CALN1: variants seen among roughly 807,000 people sequenced by gnomAD.
CALN1 encodes the protein calneuron 1.
Under a neutral mutation model 30.6 loss-of-function variants are expected in CALN1, and 17 were observed. That is an observed-to-expected ratio of 0.56 (90% CI 0.38 to 0.83). CALN1 has a LOEUF of 0.83. CALN1 is among the 40% of genes least tolerant of loss of function. CALN1 has a pLI of 0.00. For synonymous variants in CALN1, 156 were observed against 131.4 expected (o/e 1.19, Z -1.28); for missense variants, 291 against 354.9 (o/e 0.82, Z 1.45).
At chr7:71,891,219 T>C (rs1362416000) in intron 5 of CALN1, among the ~76,000 whole-genome samples, 1 of 152,260 alleles carries the variant, frequency 6.6e-6, no homozygotes, top group Non-Finnish European at 1.5e-5. Context: ...GTATTAAAAA[T>C]GCGACAAAAG....
chr7:72,455,485 A>G, the CALN1 span, among the ~76,000 whole-genome samples: 1 of 151,890 alleles, frequency 6.6e-6, no homozygotes, highest in African/African-American at 2.4e-5. Flanking sequence ...ATAGCCTATG[A>G]CTCAGTGACA....
At chr7:72,102,435 T>C (rs1004114354) in intron 4 of CALN1, among the ~76,000 whole-genome samples, 1 of 151,872 alleles carries the variant, frequency 6.6e-6, no homozygotes, top group Non-Finnish European at 1.5e-5. Context: ...TAAGACAGAG[T>C]GAGACTCTGT....
intron 3 of CALN1, among the ~76,000 whole-genome samples, chr7:72,154,186 G>T (rs770590077): frequency 7.2e-5 from 11 of 151,834 alleles, no homozygotes; most frequent in Non-Finnish European, 1.3e-4. Context: ...ATGACCTAGG[G>T]CCAGACAAAC....
chr7:72,113,440 T>C (rs897885754), intron 3 of CALN1, among the ~76,000 whole-genome samples: 2 of 152,186 alleles, frequency 1.3e-5, no homozygotes, highest in Non-Finnish European at 2.9e-5. Flanking sequence ...CCGCAAACCA[T>C]GAGCCAAATA....
chr7:72,288,413 A>C (rs1238321790), intron 2 of CALN1, among the ~76,000 whole-genome samples: 1 of 152,164 alleles, frequency 6.6e-6, no homozygotes, highest in Non-Finnish European at 1.5e-5. Flanking sequence ...TGGTCTTGGA[A>C]ATCACACATC....
intron 2 of CALN1, among the ~76,000 whole-genome samples, chr7:72,295,109 A>G (rs1017194353): frequency 2.1e-4 from 32 of 152,306 alleles, no homozygotes; most frequent in African/African-American, 4.8e-4. Flanking sequence ...AATCACTACT[A>G]AAGAATTTAT....
chr7:72,242,646 A>G (rs761500964), intron 3 of CALN1, among the ~76,000 whole-genome samples: 3 of 152,162 alleles, frequency 2.0e-5, no homozygotes, highest in Non-Finnish European at 4.4e-5. Flanking sequence ...CTAACACTTT[A>G]GGAGGCTGAG....
intron 6 of CALN1, among the ~76,000 whole-genome samples, chr7:71,790,408 G>GA (rs1554337102): frequency 2.1e-4 from 28 of 136,194 alleles, no homozygotes; most frequent in South Asian, 6.7e-4. Flanking sequence ...AAGAAAGAAA[G>GA]AAAGAAAGAA....
At chr7:72,141,531 C>G (rs1042799609) in intron 3 of CALN1, among the ~76,000 whole-genome samples, 1 of 152,106 alleles carries the variant, frequency 6.6e-6, no homozygotes, top group African/African-American at 2.4e-5. Flanking sequence ...CCTTTTGTGT[C>G]CGAGGGCTCA....
chr7:72,492,456 G>A, the CALN1 span, among the ~76,000 whole-genome samples: 2 of 152,178 alleles, frequency 1.3e-5, no homozygotes, highest in Middle Eastern at 3.2e-3. Context: ...CCTTTGGGAG[G>A]TGCTTACTAC....
intron 3 of CALN1, among the ~76,000 whole-genome samples, chr7:72,122,692 C>G (rs1808480052): frequency 6.6e-6 from 1 of 152,196 alleles, no homozygotes. Context: ...CGCCGCTGCA[C>G]TCCAGCCTGG....
At chr7:71,798,536 G>A (rs1462431167) in intron 6 of CALN1, among the ~76,000 whole-genome samples, 3 of 150,896 alleles carry the variant, frequency 2.0e-5, no homozygotes, top group African/African-American at 7.3e-5. Flanking sequence ...GAACTCCTGG[G>A]CTCAAGTGAT....
At chr7:71,876,328 G>T (rs899652730) in intron 5 of CALN1, among the ~76,000 whole-genome samples, 5 of 152,102 alleles carry the variant, frequency 3.3e-5, no homozygotes, top group Non-Finnish European at 5.9e-5. Flanking sequence ...TTTAGAGTGG[G>T]TTGTTATAAA....
intron 6 of CALN1, among the ~76,000 whole-genome samples, chr7:71,793,075 T>C (rs1047925874): frequency 1.3e-5 from 2 of 151,818 alleles, no homozygotes; most frequent in African/African-American, 4.8e-5. Flanking sequence ...GAGGCTGAGG[T>C]GGGTGGATCA....
intron 5 of CALN1, among the ~76,000 whole-genome samples, chr7:71,812,633 C>T (rs1788020879): frequency 1.3e-5 from 2 of 152,310 alleles, no homozygotes; most frequent in East Asian, 3.9e-4. Context: ...ATAAAAACCA[C>T]TCAGAAATTC....
At chr7:72,347,974 T>C (rs1380452831) in intron 2 of CALN1, among the ~76,000 whole-genome samples, 1 of 151,954 alleles carries the variant, frequency 6.6e-6, no homozygotes, top group Non-Finnish European at 1.5e-5. Flanking sequence ...CTACTAAAAA[T>C]GCAAAAATTA....
intron 5 of CALN1, among the ~76,000 whole-genome samples, chr7:71,997,877 A>G (rs1799331096): frequency 6.6e-6 from 1 of 151,618 alleles, no homozygotes. Flanking sequence ...CTGGAGTGCA[A>G]TGGTGTGATC....
At chr7:72,409,837 G>C (rs1217625844) in intron 1 of CALN1, among the ~76,000 whole-genome samples, 1 of 151,994 alleles carries the variant, frequency 6.6e-6, no homozygotes, top group African/African-American at 2.4e-5. Flanking sequence ...AACCACGTTG[G>C]GCATCAAGTT....
chr7:72,391,084 C>T (rs945247103), intron 2 of CALN1, among the ~76,000 whole-genome samples: 7 of 152,148 alleles, frequency 4.6e-5, no homozygotes, highest in African/African-American at 1.4e-4. Context: ...TATACATATG[C>T]TGTGTGTTAA....
Sources: allele counts gnomAD v4.1 joint callset (sites outside exome capture counted in the v4.1 genomes callset), GRCh38; gene constraint gnomAD v4.1.1; transcripts MANE v1.5; gene names NCBI Gene and HGNC (gene_info 2026-07-23, HGNC 2026-07-21).